Variants in PSTPIP2 observed in about 807,000 individuals in gnomAD.
The protein encoded by PSTPIP2 is proline-serine-threonine phosphatase interacting protein 2, also known as proline-serine-threonine phosphatase-interacting protein 2.
Under a neutral mutation model 63.3 loss-of-function variants are expected in PSTPIP2, and 33 were observed. The ratio of observed to expected loss-of-function variants is 0.52; its 90% CI spans 0.40 to 0.70. The LOEUF (loss-of-function observed/expected upper bound fraction) is 0.70, where lower values mean the gene tolerates loss of function less well. Ranked by LOEUF, PSTPIP2 falls within the 30% of genes least tolerant of loss-of-function variation. The probability of loss-of-function intolerance (pLI) is 0.00; values close to 1 mark genes in which losing one functional copy is unlikely to be tolerated. For missense variants in PSTPIP2, 312 were observed against 400.7 expected (o/e 0.78, Z 1.89); for synonymous variants, 125 against 132.7 (o/e 0.94, Z 0.40).
chr18:46,049,008 ATGTGTGTGTGTG>A (rs59638072), intron 1 of PSTPIP2, among the ~76,000 whole-genome samples: 1,939 of 136,334 alleles, frequency 0.014, 36 homozygotes, highest in East Asian at 0.05. Context: ...GAAAAAAAGC[ATGTGTGTGTGTG>A]TGTGTGTGTG....
At chr18:46,048,077 G>A (rs75174981) in intron 1 of PSTPIP2, among the ~76,000 whole-genome samples, 7,957 of 152,278 alleles carry the variant, frequency 0.052, 295 homozygotes, top group Non-Finnish European at 0.074. Context: ...AATGTCTTGG[G>A]ATGGGAAATT....
chr18:46,051,553 G>A (rs184031312), intron 1 of PSTPIP2, among the ~76,000 whole-genome samples: 1 of 152,078 alleles, frequency 6.6e-6, no homozygotes, highest in Non-Finnish European at 1.5e-5. Flanking sequence ...ATGGCTTTTT[G>A]AAAGACCATT....
chr18:46,063,099 C>T lies in PSTPIP2; in HGVS notation c.33+9057G>A, dbSNP rs547404699. Reference sequence around the variant, plus strand: ...CTCGCTGCAGCTTCAACCGCATGGACTCAAGTGATCCTTCTGCCTCAGCCT... The same window carrying T: ...CTCGCTGCAGCTTCAACCGCATGGATTCAAGTGATCCTTCTGCCTCAGCCT... On this transcript the variant is annotated intron_variant, in intron 1 of 14. Transcript: ENST00000409746. Among the ~76,000 whole-genome samples, 10 of 152,278 alleles carry T rather than the reference C, an allele frequency of 6.6e-5. No homozygotes were observed. In the East Asian group the frequency reaches 1.7e-3, roughly 26 times the overall value.
chr18:46,032,169 C>T (rs1432138545), intron 2 of PSTPIP2, among the ~76,000 whole-genome samples: 1 of 152,166 alleles, frequency 6.6e-6, no homozygotes, highest in African/African-American at 2.4e-5. Context: ...TGCCAGGCAT[C>T]GTACTAGGTG....
chr18:46,017,215 A>C (rs943000609), intron 3 of PSTPIP2, among the ~76,000 whole-genome samples: 2 of 152,154 alleles, frequency 1.3e-5, no homozygotes, highest in Non-Finnish European at 2.9e-5. Context: ...AGTATTTTAA[A>C]GACATAATTC....
intron 1 of PSTPIP2, among the ~76,000 whole-genome samples, chr18:46,064,252 CTTTTCTTT>C (rs1439526056): frequency 8.3e-6 from 1 of 121,006 alleles, no homozygotes; most frequent in Non-Finnish European, 1.8e-5. Context: ...TTTCTTTTTT[CTTTTCTTT>C]TTTTCTTCTT....
At chr18:46,013,936 C>T (rs898053477) in intron 4 of PSTPIP2, among the ~76,000 whole-genome samples, 2 of 152,124 alleles carry the variant, frequency 1.3e-5, no homozygotes, top group Non-Finnish European at 2.9e-5. Flanking sequence ...TTAGAATACC[C>T]GATTCAAACC....
chr18:46,040,044 C>A lies in PSTPIP2; in HGVS notation c.37G>T (p.Ala13Ser), dbSNP rs753310219. 2.5e-6 allele frequency: 4 copies of A among 1,601,024 alleles called. No individual in the cohort carries two copies. The African/African-American group carries it at 5.4e-5, about 22-fold the overall frequency. The change falls in exon 2 of 15, where the codon GCA becomes TCA. Residue 13 changes from alanine to serine, a missense_variant. Physicochemically the swap from Ala to Ser is moderately conservative, Grantham distance 99. Transcript: ENST00000409746. ...TAGCCGATGGTGCTGAGGATGTCTG[C>A]ACTCTGGGGGAAAGACAACATGGCA... ...RSLFKGNFWSADILSTIGYDN... is the reference protein window; with the variant it reads ...RSLFKGNFWSSDILSTIGYDN...
chr18:46,042,460 G>C (rs552764505), intron 1 of PSTPIP2, among the ~76,000 whole-genome samples: 11 of 152,092 alleles, frequency 7.2e-5, no homozygotes, highest in Non-Finnish European at 1.3e-4. Flanking sequence ...CCCAGCATCT[G>C]AATTTGTTTG....
At chr18:46,060,434 T>C (rs1309863281) in intron 1 of PSTPIP2, among the ~76,000 whole-genome samples, 1 of 152,222 alleles carries the variant, frequency 6.6e-6, no homozygotes, top group Non-Finnish European at 1.5e-5. Context: ...AGTCCTAAAA[T>C]TGGGCTTGCC....
chr18:46,037,042 T>G (rs987079123), intron 2 of PSTPIP2, among the ~76,000 whole-genome samples: 1 of 152,234 alleles, frequency 6.6e-6, no homozygotes, highest in Non-Finnish European at 1.5e-5. Flanking sequence ...TCAAAAATAA[T>G]TATTACATAC....
chr18:46,067,662 C>A (rs2144139793), intron 1 of PSTPIP2, among the ~76,000 whole-genome samples: 1 of 152,210 alleles, frequency 6.6e-6, no homozygotes, highest in East Asian at 1.9e-4. Context: ...TCAGCCAATC[C>A]CAGGCTGCAG....
chr18:46,001,490 T>C (rs2051666262), intron 6 of PSTPIP2, among the ~76,000 whole-genome samples: 1 of 152,212 alleles, frequency 6.6e-6, no homozygotes, highest in Non-Finnish European at 1.5e-5. Flanking sequence ...CTTGTGTATT[T>C]TGGATATTAG....
Position 46,019,154 on chromosome 18 carries a change from T to G in PSTPIP2, c.213-3217A>C, listed in dbSNP as rs560917617. 4.6e-5 allele frequency among the ~76,000 whole-genome samples: 7 copies of G among 152,312 alleles called. No homozygotes were observed. In the East Asian group the frequency reaches 1.4e-3, roughly 29 times the overall value. The stretch of plus-strand genomic sequence containing the variant: ...AGGCTGATCTCATGGAACTGTGGAC[T>G]GTGCTCACTCAACCTACCCAAGCAG... On this transcript the variant is annotated intron_variant, in intron 3 of 14. Coordinates refer to ENST00000409746, the MANE Select transcript of PSTPIP2 (RefSeq NM_024430.4).
intron 2 of PSTPIP2, among the ~76,000 whole-genome samples, chr18:46,031,738 T>C (rs1907793520): frequency 6.6e-6 from 1 of 152,230 alleles, no homozygotes; most frequent in Middle Eastern, 3.2e-3. Flanking sequence ...ACTCTTTTGT[T>C]GTTTCCAAGA....
intron 4 of PSTPIP2, among the ~76,000 whole-genome samples, chr18:46,011,945 A>C (rs573060501): frequency 9.5e-4 from 145 of 152,372 alleles, no homozygotes; most frequent in African/African-American, 3.4e-3. Flanking sequence ...ACTTGTGGGT[A>C]TCAAAACCTT....
intron 1 of PSTPIP2, among the ~76,000 whole-genome samples, chr18:46,061,862 G>C (rs1481985077): frequency 6.6e-6 from 1 of 152,198 alleles, no homozygotes; most frequent in South Asian, 2.1e-4. Flanking sequence ...GATTACAAGA[G>C]GTGGGGCCAC....
intron 3 of PSTPIP2, among the ~76,000 whole-genome samples, chr18:46,019,297 T>C (rs2051886752): frequency 6.6e-6 from 1 of 152,194 alleles, no homozygotes; most frequent in Admixed American, 6.5e-5. Flanking sequence ...GGCCTTGTGT[T>C]TTCCAAGTGG....
In PSTPIP2 at chr18:46,034,332, A is replaced by C. The variant is rs77367488; in HGVS notation, c.134+5615T>G. On this transcript the variant is annotated intron_variant, in intron 2 of 14. Coordinates refer to ENST00000409746, the MANE Select transcript of PSTPIP2 (RefSeq NM_024430.4). Reference sequence around the variant, plus strand: ...CCTATTGCAGCACACAATTAAGAGAACTGACTTGGCTGCCAAGTTGCTGTT... The same window carrying C: ...CCTATTGCAGCACACAATTAAGAGACCTGACTTGGCTGCCAAGTTGCTGTT... Among the ~76,000 whole-genome samples, 40 of 152,310 alleles carry C rather than the reference A, an allele frequency of 2.6e-4. No homozygotes were observed. The East Asian group carries it at 7.3e-3, about 28-fold the overall frequency.
Sources: allele counts gnomAD v4.1 joint callset (sites outside exome capture counted in the v4.1 genomes callset), GRCh38; gene constraint gnomAD v4.1.1; transcripts MANE v1.5; gene names NCBI Gene and HGNC (gene_info 2026-07-23, HGNC 2026-07-21).